The following EFHB variants were observed in gnomAD, a reference collection of about 807,000 sequenced individuals.
The protein encoded by EFHB is EF-hand domain-containing family member B.
A neutral mutation model predicts 87.2 loss-of-function variants in EFHB; 91 were observed. That is an observed-to-expected ratio of 1.04 (90% CI 0.88 to 1.24). EFHB has a LOEUF of 1.24. Ranked by LOEUF, EFHB falls within the 50% of genes most tolerant of loss-of-function variation. The pLI is 0.00. For synonymous variants in EFHB, 325 were observed against 333.6 expected, an observed-to-expected ratio of 0.97 and a Z score of 0.28; for missense variants, 1,084 against 998.8, an observed-to-expected ratio of 1.09 and a Z score of -1.15.
chr3:19,895,459 C>T (rs1321546305), intron 9 of EFHB, among the ~76,000 whole-genome samples: 4 of 147,836 alleles, frequency 2.7e-5, no homozygotes, highest in African/African-American at 5.1e-5. Flanking sequence ...CCAGCCTGGG[C>T]GACAGAGCGA....
chr3:19,919,787 C>G (rs759385078), intron 3 of EFHB, 46 bp downstream of exon 3: 1 of 1,570,726 alleles, frequency 6.4e-7, no homozygotes, highest in Non-Finnish European at 8.7e-7. Flanking sequence ...TGCATTTTCA[C>G]CTTGGTAAAT....
At chr3:19,893,961 T>C (rs1410810387) in intron 9 of EFHB, among the ~76,000 whole-genome samples, 1 of 152,258 alleles carries the variant, frequency 6.6e-6, no homozygotes, top group Non-Finnish European at 1.5e-5. Flanking sequence ...GTTTACATAT[T>C]GACAACAAAT....
chr3:19,909,221 A>T (rs1217787010), intron 5 of EFHB, among the ~76,000 whole-genome samples: 1 of 151,980 alleles, frequency 6.6e-6, no homozygotes, highest in Non-Finnish European at 1.5e-5. Context: ...CCCCGGCAGC[A>T]GCAGAGTGAT....
At chr3:19,902,929 C>A (rs1277237248) in intron 6 of EFHB, among the ~76,000 whole-genome samples, 2 of 152,074 alleles carry the variant, frequency 1.3e-5, no homozygotes. Context: ...GTAATCCCAG[C>A]ACTTTGGGAG....
chr3:19,919,733 G>A, intron 3 of EFHB, 100 bp downstream of exon 3: 1 of 1,184,684 alleles, frequency 8.4e-7, no homozygotes, highest in Non-Finnish European at 1.2e-6. Flanking sequence ...AAATATGGGT[G>A]GGAAGGAGAT....
intron 11 of EFHB, among the ~76,000 whole-genome samples, chr3:19,884,150 C>T (rs569089188): frequency 6.6e-6 from 1 of 152,158 alleles, no homozygotes; most frequent in Non-Finnish European, 1.5e-5. Context: ...GTATAACATT[C>T]AATGTTCTGA....
chr3:19,908,602 A>AGAGAGAGAGAGAGAGAGAG (rs1559459816), intron 5 of EFHB, among the ~76,000 whole-genome samples: 21 of 77,312 alleles, frequency 2.7e-4, no homozygotes, highest in South Asian at 9.3e-4. Flanking sequence ...GAGAGAGAGA[A>AGAGAGAGAGAGAGAGAGAG]AGAAAGAAAG....
At chr3:19,886,676 CAAAAAAAAA>C (rs4020648) in intron 10 of EFHB, among the ~76,000 whole-genome samples, 2 of 61,230 alleles carry the variant, frequency 3.3e-5, no homozygotes, top group Non-Finnish European at 5.7e-5. Flanking sequence ...GACACTGTCT[CAAAAAAAAA>C]AAAAAAAAAA....
intron 5 of EFHB, among the ~76,000 whole-genome samples, chr3:19,910,030 G>A (rs564438582): frequency 1.3e-5 from 2 of 151,896 alleles, no homozygotes; most frequent in Non-Finnish European, 2.9e-5. Flanking sequence ...CACATTACCA[G>A]CTGTGGTAGC....
chr3:19,884,590 A>C lies in EFHB; in HGVS notation c.1959T>G (p.Pro653=), dbSNP rs138107768. 4.0e-5 allele frequency: 65 copies of C among 1,613,942 alleles called. No homozygotes were observed. In the African/African-American group the frequency reaches 7.5e-4, roughly 19 times the overall value. ...CAGGTTCTTCAACATTAGCCTCAGT[A>C]GGGTTTACACAATCTGGTTTTCTAC... The part of the protein sequence containing the change: ...IKGRKPDCVN[P]TEANVEEPEQ... The change falls in exon 11 of 13, where the codon CCT becomes CCG. Residue 653 remains proline (P), a synonymous_variant. Coordinates refer to ENST00000295824, the MANE Select transcript of EFHB (RefSeq NM_144715.4).
upstream of EFHB, among the ~76,000 whole-genome samples, chr3:19,935,304 TAGG>T (rs1445999285): frequency 2.0e-5 from 3 of 152,210 alleles, no homozygotes; most frequent in South Asian, 4.1e-4. Context: ...TGTTTTTAAG[TAGG>T]AGATTTTTTT....
intron 10 of EFHB, among the ~76,000 whole-genome samples, chr3:19,887,661 T>C (rs1694154183): frequency 6.6e-6 from 1 of 152,030 alleles, no homozygotes; most frequent in Non-Finnish European, 1.5e-5. Context: ...AAAAACAAAA[T>C]GTCGCAAAAA....
chr3:19,934,350 GTC>G (rs1189076947), upstream of EFHB: 254 of 879,544 alleles, frequency 2.9e-4, no homozygotes, highest in Middle Eastern at 4.5e-4. Context: ...TCTCTCCTCT[GTC>G]TCTCTCTCTC....
chr3:19,921,821 G>A (rs141028627), intron 1 of EFHB, among the ~76,000 whole-genome samples: 14 of 151,990 alleles, frequency 9.2e-5, no homozygotes, highest in Admixed American at 9.2e-4. Context: ...CTAATACCAG[G>A]GAATATTGTC....
At position 19,923,784 on chromosome 3, in the gene EFHB, CAA is replaced by C. The variant is rs531187967; in HGVS notation, c.790-3219_790-3218del. On this transcript the variant is annotated intron_variant, in intron 1 of 12. Coordinates refer to ENST00000295824, the MANE Select transcript of EFHB (RefSeq NM_144715.4). ...GAGGGAATAGGAAAATGTAAATAAA[CAA>C]AAGAGATTACCTGAGAGATATAAGA... is the stretch of plus-strand genomic sequence containing the variant. Among the ~76,000 whole-genome samples, 85 of 152,212 alleles carry C rather than the reference CAA, an allele frequency of 5.6e-4. 1 individual carries two copies. Among genetic ancestry groups the C allele is most frequent in the African/African-American group, 2.0e-3 (82 of 41,544 alleles).
At chr3:19,886,656 A>G (rs974158666) in intron 10 of EFHB, among the ~76,000 whole-genome samples, 52 of 136,496 alleles carry the variant, frequency 3.8e-4, no homozygotes, top group African/African-American at 1.5e-3. Context: ...AGCCTGGGCA[A>G]ACAGAGTGAG....
At chr3:19,935,185 A>C (rs1695982855), upstream of EFHB, among the ~76,000 whole-genome samples, 1 of 152,210 alleles carries the variant, frequency 6.6e-6, no homozygotes, top group Non-Finnish European at 1.5e-5. Flanking sequence ...GTCGGATTAC[A>C]GGCGTGAGCC....
upstream of EFHB, among the ~76,000 whole-genome samples, chr3:19,937,990 A>T (rs1490569192): frequency 6.6e-6 from 1 of 152,166 alleles, no homozygotes; most frequent in African/African-American, 2.4e-5. Context: ...TTTGACCCAA[A>T]AAGACGGGGC....
At position 19,879,720 on chromosome 3, in the gene EFHB, G is replaced by A; in HGVS notation, c.2413C>T (p.His805Tyr). ...NVWNLASKKH[H>Y]RGEVCVENIR... Reference sequence around the variant, plus strand: ...TTCTCAACACAAACTTCTCCTCTGTGATGCTTTTTTGATGCAAGATTCCAT... The same window carrying A: ...TTCTCAACACAAACTTCTCCTCTGTAATGCTTTTTTGATGCAAGATTCCAT... Residue 805 changes from histidine to tyrosine, a missense_variant, in exon 13 of 13, where the codon CAC becomes TAC. Physicochemically the swap from His to Tyr is moderately conservative, Grantham distance 83. Coordinates refer to ENST00000295824, the MANE Select transcript of EFHB (RefSeq NM_144715.4). 1 of 1,610,606 alleles carries A rather than the reference G, an allele frequency of 6.2e-7. No individual in the cohort carries two copies. The highest frequency in any genetic ancestry group is 8.5e-7 in the Non-Finnish European group (1 of 1,179,034).
Sources: allele counts gnomAD v4.1 joint callset (sites outside exome capture counted in the v4.1 genomes callset), GRCh38; gene constraint gnomAD v4.1.1; transcripts MANE v1.5; gene names NCBI Gene and HGNC (gene_info 2026-07-23, HGNC 2026-07-21).